Variants in NPAT observed in about 807,000 individuals in gnomAD.
NPAT encodes nuclear protein, coactivator of histone transcription.
NPAT carries 52 observed loss-of-function variants against 130.7 expected under a neutral mutation model. The observed-to-expected ratio is 0.40, with a 90% CI of 0.32 to 0.50. The LOEUF is 0.50. NPAT is among the 20% of genes least tolerant of loss of function. NPAT has a pLI of 0.68. For synonymous variants in NPAT, 580 were observed against 584.8 expected, an observed-to-expected ratio of 0.99 and a Z score of 0.12; for missense variants, 1,687 against 1,662.6, an observed-to-expected ratio of 1.01 and a Z score of -0.26.
In NPAT at chr11:108,172,679, G is replaced by T. The variant is rs1418841911; in HGVS notation, c.2305C>A (p.Pro769Thr). ...GTAGGAGAAGACAAGATTATAGTTG[G>T]CAGGTTTTCTCCATTAATACTAGAA... ...AVSSINGENL[P>T]TIILSSPTKS... Residue 769 changes from proline (P) to threonine (T), a missense_variant, in exon 13 of 18, where the codon CCA (proline) becomes ACA (threonine). Around this residue, in one of 3 missense-constraint regions of NPAT, gnomAD observed 1,379 missense variants for 1,346.6 expected, o/e 1.02. Coordinates refer to ENST00000278612, the MANE Select transcript of NPAT (RefSeq NM_002519.3). 1 of 1,613,714 alleles carries T rather than the reference G, an allele frequency of 6.2e-7. No individual in the cohort carries two copies. Among genetic ancestry groups the T allele is most frequent in the African/African-American group, 1.3e-5 (1 of 74,914 alleles).
chr11:108,166,045 A>G (rs1317471154), intron 15 of NPAT, among the ~76,000 whole-genome samples: 1 of 152,044 alleles, frequency 6.6e-6, no homozygotes, highest in Non-Finnish European at 1.5e-5. Context: ...GGCCTCCCAA[A>G]GTGCTGGAAT....
chr11:108,203,273 A>G (rs1355053119), intron 1 of NPAT, among the ~76,000 whole-genome samples: 2 of 152,178 alleles, frequency 1.3e-5, no homozygotes, highest in African/African-American at 2.4e-5. Flanking sequence ...CCCATTTCCA[A>G]TAGGAACTGA....
Position 108,158,100 on chromosome 11 carries a change from A to G in NPAT, c.*842T>C, listed in dbSNP as rs1313597413. Reference sequence around the variant, plus strand: ...AAATTATATGTGCATTGGTCACTACAATGTAAAGAGTTCTATGAATTAGTG... The same window carrying G: ...AAATTATATGTGCATTGGTCACTACGATGTAAAGAGTTCTATGAATTAGTG... On this transcript the variant is annotated 3_prime_UTR_variant, in exon 18 of 18. Coordinates refer to ENST00000278612, the MANE Select transcript of NPAT (RefSeq NM_002519.3). 1 of 152,430 alleles carries G rather than the reference A, an allele frequency of 6.6e-6. No homozygotes were observed. Among genetic ancestry groups the G allele is most frequent in the African/African-American group, 2.4e-5 (1 of 41,448 alleles). The allele number at this position is 152,430 out of a possible 1,614,324, so 9.4% of individuals were successfully genotyped here.
At chr11:108,204,288 G>A (rs773279835) in intron 1 of NPAT, among the ~76,000 whole-genome samples, 2 of 152,030 alleles carry the variant, frequency 1.3e-5, no homozygotes, top group Admixed American at 6.6e-5. Context: ...AAACTTCCTC[G>A]ATGCCTAAGG....
chr11:108,193,027 CACAG>C (rs1454237678), intron 3 of NPAT, among the ~76,000 whole-genome samples: 11 of 152,092 alleles, frequency 7.2e-5, no homozygotes, highest in Admixed American at 2.0e-4. Flanking sequence ...AATGCTTATA[CACAG>C]ACAATGTCAA....
Position 108,176,312 on chromosome 11 carries a change from G to A in NPAT, c.1066C>T (p.Pro356Ser), listed in dbSNP as rs2078005467. Residue 356 changes from proline to serine, a missense_variant, in exon 12 of 18, where the codon CCC becomes TCC. Transcript: ENST00000278612. ...SISSQPMESN[P>S]SIVLADETNL... ...GTTTCATCTGCTAAGACTATACTGGGATTGGATTCCATAGGTTGACTGGAA... is the reference window on the plus strand; with the variant it reads ...GTTTCATCTGCTAAGACTATACTGGAATTGGATTCCATAGGTTGACTGGAA... 1.3e-6 allele frequency: 2 copies of A among 1,573,156 alleles called. No homozygotes were observed. Among genetic ancestry groups the A allele is most frequent in the African/African-American group, 2.7e-5 (2 of 74,094 alleles).
Position 108,173,115 on chromosome 11 carries a change from A to G in NPAT, c.1869T>C (p.Ile623=). The G allele has an allele frequency of 6.2e-7, 1 of 1,614,040 alleles. No homozygotes were observed. The highest frequency in any genetic ancestry group is 8.5e-7 in the Non-Finnish European group (1 of 1,179,974). Residue 623 remains isoleucine (I), a synonymous_variant, in exon 13 of 18, where the codon ATT becomes ATC. Coordinates refer to ENST00000278612, the MANE Select transcript of NPAT (RefSeq NM_002519.3). ...SHLNVSGQVE[I]HLGDSLSSTK... ...TAGAAGACAGCGAATCTCCAAGATG[A>G]ATTTCTACTTGTCCAGATACATTTA...
In NPAT at chr11:108,160,908, G is replaced by A; in HGVS notation, c.4178C>T (p.Ser1393Leu). 2.5e-6 allele frequency: 4 copies of A among 1,613,844 alleles called. No individual in the cohort carries two copies. The highest frequency in any genetic ancestry group is 3.4e-6 in the Non-Finnish European group (4 of 1,179,916). ...RPSSKNLTNS[S>L]IPMKKKKIKK... ...AATTTTCTTCTTTTTCATTGGTATTGATGAATTTGTAAGATTTTTACTAGA... is the reference window on the plus strand; with the variant it reads ...AATTTTCTTCTTTTTCATTGGTATTAATGAATTTGTAAGATTTTTACTAGA... The change falls in exon 17 of 18, where the codon TCA (serine) becomes TTA (leucine). Residue 1393 changes from serine to leucine, a missense_variant. By Grantham distance (145) the Ser-to-Leu change is moderately radical (BLOSUM62 -2). Around this residue, in one of 3 missense-constraint regions of NPAT, gnomAD observed 1,379 missense variants for 1,346.6 expected, o/e 1.02. Transcript: ENST00000278612.
chr11:108,174,101 G>A (rs1215583506), intron 12 of NPAT, among the ~76,000 whole-genome samples: 1 of 152,082 alleles, frequency 6.6e-6, no homozygotes, highest in Non-Finnish European at 1.5e-5. Flanking sequence ...TACAAAGAAG[G>A]AAAAAGTAAA....
At position 108,160,961 on chromosome 11, in the gene NPAT, T is replaced by G; in HGVS notation, c.4125A>C (p.Leu1375Phe). ...STTKKRKIEE[L>F]DERERNSRPS... is the part of the protein sequence containing the mutation. ...GACGAGAGTTTCGCTCACGTTCATCTAATTCCTCAATTTTCCGCTTTTTTG... is the reference window on the plus strand; with the variant it reads ...GACGAGAGTTTCGCTCACGTTCATCGAATTCCTCAATTTTCCGCTTTTTTG... The change falls in exon 17 of 18, where the codon TTA becomes TTC. Residue 1375 changes from leucine to phenylalanine, a missense_variant. Leu to Phe is a conservative substitution (Grantham distance 22, BLOSUM62 0). Coordinates refer to ENST00000278612, the MANE Select transcript of NPAT (RefSeq NM_002519.3). 6.2e-7 allele frequency: 1 copy of G among 1,614,204 alleles called. No individual in the cohort carries two copies. The highest frequency in any genetic ancestry group is 1.1e-5 in the South Asian group (1 of 91,088).
intron 15 of NPAT, among the ~76,000 whole-genome samples, chr11:108,163,752 G>C (rs967082664): frequency 6.6e-6 from 1 of 152,156 alleles, no homozygotes; most frequent in Non-Finnish European, 1.5e-5. Flanking sequence ...TATAGAGAAA[G>C]CAAAGTAAGG....
intron 10 of NPAT, among the ~76,000 whole-genome samples, chr11:108,178,862 C>T (rs2078033650): frequency 6.6e-6 from 1 of 151,594 alleles, no homozygotes; most frequent in African/African-American, 2.4e-5. Context: ...GAGACTATCT[C>T]AAAAAAACAA....
Position 108,169,774 on chromosome 11 carries a change from C to T in NPAT, c.2980G>A (p.Ala994Thr), listed in dbSNP as rs2077932719. 3 of 1,613,560 alleles carry T rather than the reference C, an allele frequency of 1.9e-6. No individual in the cohort carries two copies. Among genetic ancestry groups the T allele is most frequent in the Non-Finnish European group, 2.5e-6 (3 of 1,179,542 alleles). ...QFPVPPKSQKAQGLRNKPCIG... is the reference protein window; with the variant it reads ...QFPVPPKSQKTQGLRNKPCIG... ...CAAGGCTTGTTTCTTAGTCCCTGAGCCTTCTGAGATTTTGGAGGGACGGGG... is the reference window on the plus strand; with the variant it reads ...CAAGGCTTGTTTCTTAGTCCCTGAGTCTTCTGAGATTTTGGAGGGACGGGG... Residue 994 changes from alanine (A) to threonine (T), a missense_variant, in exon 15 of 18, where the codon GCT becomes ACT. Around this residue, in one of 3 missense-constraint regions of NPAT, gnomAD observed 1,379 missense variants for 1,346.6 expected, o/e 1.02. Coordinates refer to ENST00000278612, the MANE Select transcript of NPAT (RefSeq NM_002519.3).
chr11:108,207,769 C>T (rs1248607525), intron 1 of NPAT, among the ~76,000 whole-genome samples: 1 of 152,182 alleles, frequency 6.6e-6, no homozygotes, highest in East Asian at 1.9e-4. Flanking sequence ...TCCACAGCTG[C>T]AGCTGCACCT....
chr11:108,187,550 G>C (rs771619578), intron 7 of NPAT, among the ~76,000 whole-genome samples: 3 of 152,100 alleles, frequency 2.0e-5, no homozygotes, highest in Non-Finnish European at 4.4e-5. Flanking sequence ...TTGAATGAAA[G>C]ACAACCAAAA....
chr11:108,205,140 G>C (rs1392139643), intron 1 of NPAT, among the ~76,000 whole-genome samples: 2 of 152,204 alleles, frequency 1.3e-5, no homozygotes, highest in Non-Finnish European at 2.9e-5. Flanking sequence ...TTCTCAGTAA[G>C]ACTGACAGCT....
At chr11:108,216,497 G>C (rs1485297395) in intron 1 of NPAT, among the ~76,000 whole-genome samples, 19 of 151,736 alleles carry the variant, frequency 1.3e-4, no homozygotes, top group Non-Finnish European at 2.9e-5. Flanking sequence ...ACTTTCGTGT[G>C]GGGAGGAGAG....
intron 11 of NPAT, 109 bp from the exon 12 acceptor site, chr11:108,176,483 T>C: frequency 1.3e-6 from 1 of 796,622 alleles, no homozygotes; most frequent in Non-Finnish European, 2.1e-6. Context: ...ATTTAGGGTT[T>C]TATGGATGTT....
At chr11:108,208,943 A>G (rs911419119) in intron 1 of NPAT, among the ~76,000 whole-genome samples, 9 of 152,230 alleles carry the variant, frequency 5.9e-5, no homozygotes, top group African/African-American at 1.9e-4. Flanking sequence ...GATGCAACTA[A>G]AGCAGTGCAC....
Sources: gnomAD v4.1 joint callset for allele counts (sites outside exome capture counted in the v4.1 genomes callset) on GRCh38, gnomAD v4.1.1 for gene constraint, gnomAD v4.1.1 regional missense constraint, MANE v1.5 for transcripts, NCBI Gene and HGNC (gene_info 2026-07-23, HGNC 2026-07-21) for gene names.